GGT7: variants seen among roughly 807,000 people sequenced by gnomAD.
GGT7 encodes the protein glutathione hydrolase 7.
GGT7 carries 30 observed loss-of-function variants against 69.2 expected under a neutral mutation model. The ratio of observed to expected loss-of-function variants is 0.43; its 90% CI spans 0.32 to 0.59. The LOEUF (loss-of-function observed/expected upper bound fraction) is 0.59. Among genes scored for constraint, GGT7 ranks in the 20% least tolerant of loss-of-function variants. GGT7 has a pLI of 0.05. For synonymous variants in GGT7, 388 were observed against 391.8 expected, an observed-to-expected ratio of 0.99 and a Z score of 0.12; for missense variants, 733 against 901.1, an observed-to-expected ratio of 0.81 and a Z score of 2.39.
chr20:34,863,200 C>G lies in GGT7; in HGVS notation c.405+113G>C, dbSNP rs1298189009. 5.6e-6 allele frequency: 5 copies of G among 886,898 alleles called. No individual in the cohort carries two copies. The highest frequency in any genetic ancestry group is 1.7e-5 in the South Asian group (1 of 60,092). The allele number at this position is 886,898 out of a possible 1,614,324, so 54.9% of individuals were successfully genotyped here. Reference sequence around the variant, plus strand: ...TTTGGGACCTTCCTCTCCCAAGTCACCACCCTCTCTCCCCTTCTACCACTC... The same window carrying G: ...TTTGGGACCTTCCTCTCCCAAGTCAGCACCCTCTCTCCCCTTCTACCACTC... On this transcript the variant is annotated intron_variant, in intron 2 of 14. Coordinates refer to ENST00000336431, the MANE Select transcript of GGT7 (RefSeq NM_178026.3). This position sits in a 1 kb window ranked among gnomAD's most constrained non-coding sequence, Gnocchi z 4.4.
Position 34,862,769 on chromosome 20 carries a change from G to A in GGT7, c.557+45C>T, listed in dbSNP as rs149271854. The A allele has an allele frequency of 8.6e-5, 138 of 1,601,778 alleles. No homozygotes were observed. In the East Asian group the frequency reaches 2.9e-3, roughly 33 times the overall value. On this transcript the variant is annotated intron_variant, in intron 3 of 14. Transcript: ENST00000336431. Reference sequence around the variant, plus strand: ...TGCACATGAGGCCTACAGACCTGGAGGCAAGAAGTAGGCCTGGGGGACCCC... The same window carrying A: ...TGCACATGAGGCCTACAGACCTGGAAGCAAGAAGTAGGCCTGGGGGACCCC...
rs1244148466 is a variant in GGT7 at position 34,859,466 on chromosome 20, G to A, written c.991C>T (p.Leu331Phe). The change falls in exon 7 of 15, where the codon CTC (leucine) becomes TTC (phenylalanine). Residue 331 changes from leucine (L) to phenylalanine (F), a missense_variant. Leu to Phe is a conservative substitution (Grantham distance 22). Transcript: ENST00000336431. ...ACCTCGGCCACCATCTCCAGTGTGA[G>A]GTTGCCACCTGCGTAGAAGGCAGCC... The part of the protein sequence containing the change: ...GPAAFYAGGN[L>F]TLEMVAEAQH... 3.8e-6 allele frequency: 6 copies of A among 1,596,176 alleles called. No individual in the cohort carries two copies. Among genetic ancestry groups the A allele is most frequent in the Non-Finnish European group, 5.1e-6 (6 of 1,166,526 alleles).
Position 34,852,284 on chromosome 20 carries a change from GGT to G in GGT7, c.1470-14_1470-13del. Reference sequence around the variant, plus strand: ...GCTGGTTCAGGGAGCTGGGGGCCGAGGTGGGGTTGGGTGAGCCCTGGCCCATC... The same window carrying G: ...GCTGGTTCAGGGAGCTGGGGGCCGAGGGGGTTGGGTGAGCCCTGGCCCATC... On this transcript the variant is annotated splice_polypyrimidine_tract_variant and intron_variant, in intron 11 of 14. Coordinates refer to ENST00000336431, the MANE Select transcript of GGT7 (RefSeq NM_178026.3). The G allele has an allele frequency of 6.2e-7, 1 of 1,605,754 alleles. No homozygotes were observed. Among genetic ancestry groups the G allele is most frequent in the Non-Finnish European group, 8.5e-7 (1 of 1,172,318 alleles).
rs556288098 is a variant in GGT7, at chr20:34,856,808, C to T, written c.1100G>A (p.Arg367Lys). Residue 367 changes from arginine to lysine, a missense_variant and splice_region_variant, in exon 8 of 15, where the codon AGA becomes AAA. Physicochemically the swap from Arg to Lys is conservative, Grantham distance 26 (BLOSUM62 2). Transcript: ENST00000336431. ...LVEKPVCGVY[R>K]GHLVLSPPPP... is the part of the protein sequence containing the mutation. ...CTGGGAGCCGGGGGAGAGGTCACCT[C>T]TGTACACGCCACACACAGGCTTCTC... 4.0e-5 allele frequency: 63 copies of T among 1,594,920 alleles called. No homozygotes were observed. The Middle Eastern group carries it at 6.6e-4, about 17-fold the overall frequency.
intron 1 of GGT7, among the ~76,000 whole-genome samples, chr20:34,864,923 A>G (rs2146926032): frequency 6.6e-6 from 1 of 151,696 alleles, no homozygotes; most frequent in East Asian, 2.0e-4. Context: ...CCTGGGTTCA[A>G]GCGACTCTCT....
Position 34,863,763 on chromosome 20 carries a change from A to G in GGT7, c.170-215T>C, listed in dbSNP as rs543346629. On this transcript the variant is annotated intron_variant, in intron 1 of 14. Coordinates refer to ENST00000336431, the MANE Select transcript of GGT7 (RefSeq NM_178026.3). The surrounding 1 kb of genome is among the most constrained non-coding windows in gnomAD (Gnocchi z 4.4). ...GAGACAGGGACCTCCCCAGCTGGGC[A>G]GCAGGGAGGCTGGATTCCCGCCCCT... 56 of 711,760 alleles carry G rather than the reference A, an allele frequency of 7.9e-5. 1 individual carries two copies. Among genetic ancestry groups the G allele is most frequent in the Non-Finnish European group, 1.0e-5 (4 of 381,870 alleles). 44.1% of individuals were successfully genotyped at this position (711,760 alleles called of 1,614,324 possible).
Position 34,863,587 on chromosome 20 carries a change from A to G in GGT7, c.170-39T>C, listed in dbSNP as rs1272602807. 7.3e-7 allele frequency: 1 copy of G among 1,373,878 alleles called. No individual in the cohort carries two copies. Among genetic ancestry groups the G allele is most frequent in the African/African-American group, 1.4e-5 (1 of 69,948 alleles). 85.1% of individuals were successfully genotyped at this position (1,373,878 alleles called of 1,614,324 possible). On this transcript the variant is annotated intron_variant, in intron 1 of 14. Transcript: ENST00000336431. The surrounding 1 kb of genome is among the most constrained non-coding windows in gnomAD (Gnocchi z 4.4). ...GCCGGGGTCGGTCTGGGCATCTCCT[A>G]TCTGGCCCTGCCCACCCTCCAGGTG...
At chr20:34,847,934 T>C (rs774824551) in intron 14 of GGT7, among the ~76,000 whole-genome samples, 2 of 152,008 alleles carry the variant, frequency 1.3e-5, no homozygotes, top group African/African-American at 2.4e-5. Flanking sequence ...TCTACAAAAA[T>C]GCAAAAATTA....
Position 34,854,801 on chromosome 20 carries a change from C to T in GGT7, c.1225G>A (p.Ala409Thr), listed in dbSNP as rs925677937. ...VSREQALHWV[A>T]ETLKIALALA... ...GGCAGACGGGTCAGCCTTACCTCTGCCACCCAGTGAAGAGCCTGTTCTCGG... is the reference window on the plus strand; with the variant it reads ...GGCAGACGGGTCAGCCTTACCTCTGTCACCCAGTGAAGAGCCTGTTCTCGG... The change falls in exon 9 of 15, where the codon GCA becomes ACA. Residue 409 changes from alanine (A) to threonine (T), a missense_variant. By Grantham distance (58) the Ala-to-Thr change is moderately conservative. Coordinates refer to ENST00000336431, the MANE Select transcript of GGT7 (RefSeq NM_178026.3). 4 of 1,614,134 alleles carry T rather than the reference C, an allele frequency of 2.5e-6. No individual in the cohort carries two copies. The highest frequency in any genetic ancestry group is 2.5e-6 in the Non-Finnish European group (3 of 1,180,020).
chr20:34,871,844 G>A (rs546047217), intron 1 of GGT7, among the ~76,000 whole-genome samples: 1 of 152,306 alleles, frequency 6.6e-6, no homozygotes, highest in Middle Eastern at 3.4e-3. Flanking sequence ...TGGGCCACAT[G>A]GCTAGGAGGA....
Position 34,854,812 on chromosome 20 carries a change from A to G in GGT7, c.1214T>C (p.Leu405Pro). 3.7e-6 allele frequency: 6 copies of G among 1,614,174 alleles called. No homozygotes were observed. The highest frequency in any genetic ancestry group is 5.1e-6 in the Non-Finnish European group (6 of 1,180,028). The change falls in exon 9 of 15, where the codon CTT becomes CCT. Residue 405 changes from leucine to proline, a missense_variant. Physicochemically the swap from Leu to Pro is moderately conservative, Grantham distance 98. Transcript: ENST00000336431. ...CAGCCTTACCTCTGCCACCCAGTGA[A>G]GAGCCTGTTCTCGGGATACCAGGCT... ...LTSLVSREQALHWVAETLKIA... is the reference protein window; with the variant it reads ...LTSLVSREQAPHWVAETLKIA...
In GGT7 at chr20:34,852,195, G is replaced by C; in HGVS notation, c.1547C>G (p.Ser516Cys). The C allele has an allele frequency of 6.2e-7, 1 of 1,613,792 alleles. No individual in the cohort carries two copies. The highest frequency in any genetic ancestry group is 8.5e-7 in the Non-Finnish European group (1 of 1,179,660). ...ILLNSQMLDFSWPNRTANHSA... is the reference protein window; with the variant it reads ...ILLNSQMLDFCWPNRTANHSA... ...GTGGTTAGCTGTCCGGTTGGGCCAG[G>C]AGAAGTCCAGCATCTGGCTGTTGAG... Residue 516 changes from serine (S) to cysteine (C), a missense_variant, in exon 12 of 15, where the codon TCC becomes TGC. Physicochemically the swap from Ser to Cys is moderately radical, Grantham distance 112. Coordinates refer to ENST00000336431, the MANE Select transcript of GGT7 (RefSeq NM_178026.3).
chr20:34,859,383 C>T (rs985493739), intron 7 of GGT7, 60 bp downstream of exon 7: 49 of 1,340,078 alleles, frequency 3.7e-5, no homozygotes, highest in African/African-American at 8.8e-5. Flanking sequence ...AATGCGGACG[C>T]GGATGTCCTG....
intron 8 of GGT7, among the ~76,000 whole-genome samples, chr20:34,855,912 A>G (rs1161583695): frequency 6.6e-6 from 1 of 151,778 alleles, no homozygotes; most frequent in Middle Eastern, 3.2e-3. Flanking sequence ...CTCCCATCTC[A>G]ACCTCCTGAG....
chr20:34,847,103 T>C (rs544724665), intron 14 of GGT7, among the ~76,000 whole-genome samples: 1 of 152,370 alleles, frequency 6.6e-6, no homozygotes, highest in East Asian at 1.9e-4. Flanking sequence ...TTATTTACTG[T>C]GTCTCCCTCC....
Position 34,844,964 on chromosome 20 carries a change from T to A in GGT7, c.*364A>T. On this transcript the variant is annotated 3_prime_UTR_variant, in exon 15 of 15. Transcript: ENST00000336431. Reference sequence around the variant, plus strand: ...GGCCCAGGTCAGGCCAGTCTGAAGATGTTGGGGTTGTGAGACCCTTGAGAA... The same window carrying A: ...GGCCCAGGTCAGGCCAGTCTGAAGAAGTTGGGGTTGTGAGACCCTTGAGAA... 4.2e-6 allele frequency: 1 copy of A among 236,468 alleles called. No homozygotes were observed. The highest frequency in any genetic ancestry group is 8.3e-6 in the Non-Finnish European group (1 of 120,646). The allele number at this position is 236,468 out of a possible 1,614,324, so 14.6% of individuals were successfully genotyped here. A position where few individuals can be genotyped will look rare whatever the true frequency, so the allele number is the denominator to read the frequency against.
intron 7 of GGT7, 104 bp downstream of exon 7, chr20:34,859,339 A>G: frequency 1.3e-6 from 1 of 792,954 alleles, no homozygotes; most frequent in East Asian, 2.7e-5. Context: ...AATAATATAG[A>G]AAGAAAGGGA....
Position 34,845,111 on chromosome 20 carries a change from C to CCACCA in GGT7, c.*216_*217insTGGTG. 2.2e-6 allele frequency: 1 copy of CCACCA among 458,002 alleles called. No individual in the cohort carries two copies. The highest frequency in any genetic ancestry group is 2.6e-5 in the South Asian group (1 of 38,976). 28.4% of individuals were successfully genotyped at this position (458,002 alleles called of 1,614,324 possible). On this transcript the variant is annotated 3_prime_UTR_variant, in exon 15 of 15. Transcript: ENST00000336431. ...CCTGGCTGTACTGTAGATGCTGACA[C>CCACCA]TCACCACCACCACCACCACCACCAC...
At chr20:34,856,685 T>C in intron 8 of GGT7, 121 bp downstream of exon 8, 5 of 674,008 alleles carry the variant, frequency 7.4e-6, no homozygotes, top group Non-Finnish European at 1.4e-5. Flanking sequence ...ACTGCCCAGG[T>C]AGCTCACTGC....
Sources: gnomAD v4.1 joint callset for allele counts (sites outside exome capture counted in the v4.1 genomes callset) on GRCh38, gnomAD v4.1.1 for gene constraint, Gnocchi (gnomAD v3.1) non-coding constraint, MANE v1.5 for transcripts, NCBI Gene and HGNC (gene_info 2026-07-23, HGNC 2026-07-21) for gene names.